SIGLEC11: variants seen among roughly 807,000 people sequenced by gnomAD.
SIGLEC11 encodes sialic acid-binding Ig-like lectin 11.
A neutral mutation model predicts 61.2 loss-of-function variants in SIGLEC11; 47 were observed. The observed-to-expected ratio is 0.77, with a 90% CI of 0.61 to 0.98. SIGLEC11 has a LOEUF of 0.98. Ranked by LOEUF, SIGLEC11 falls within the 50% of genes least tolerant of loss-of-function variation. SIGLEC11 has a pLI of 0.00. For synonymous variants in SIGLEC11, 278 were observed against 373.1 expected (o/e 0.75, Z 2.94); for missense variants, 610 against 870.3 (o/e 0.70, Z 3.76).
chr19:49,951,986 C>A lies in SIGLEC11; in HGVS notation c.1749-14G>T. ...CAGATCTTCACCCTGAGGGAGGAGGCAGTGCCCTTCAGCCTCCAGGCTGGT... is the reference window on the plus strand; with the variant it reads ...CAGATCTTCACCCTGAGGGAGGAGGAAGTGCCCTTCAGCCTCCAGGCTGGT... On this transcript the variant is annotated splice_polypyrimidine_tract_variant and intron_variant, in intron 9 of 10. Coordinates refer to ENST00000447370, the MANE Select transcript of SIGLEC11 (RefSeq NM_052884.3). The surrounding 1 kb of genome is among the most constrained non-coding windows in gnomAD (Gnocchi z 4.6). 2 of 1,601,414 alleles carry A rather than the reference C, an allele frequency of 1.2e-6. No homozygotes were observed. The highest frequency in any genetic ancestry group is 1.1e-5 in the South Asian group (1 of 89,102).
intron 8 of SIGLEC11, among the ~76,000 whole-genome samples, chr19:49,954,670 G>C (rs117971487): frequency 0.047 from 7,214 of 152,220 alleles, 236 homozygotes; most frequent in Middle Eastern, 0.082. Context: ...CCGTCTTTCT[G>C]ACACACAGTC....
chr19:49,959,054 T>A lies in SIGLEC11; in HGVS notation c.1081A>T (p.Met361Leu). ...CCTGTCCTGTTTGCTTGGGAAACCATCACTCTCAGGTTCTCTGGAGGATCT... is the reference window on the plus strand; with the variant it reads ...CCTGTCCTGTTTGCTTGGGAAACCAACACTCTCAGGTTCTCTGGAGGATCT... ...VQYPPENLRV[M>L]VSQANRTVLE... The change falls in exon 6 of 11, where the codon ATG becomes TTG. Residue 361 changes from methionine (M) to leucine (L), a missense_variant. By Grantham distance (15) the Met-to-Leu change is conservative (BLOSUM62 2). Coordinates refer to ENST00000447370, the MANE Select transcript of SIGLEC11 (RefSeq NM_052884.3). The A allele has an allele frequency of 2.5e-6, 4 of 1,613,834 alleles. No homozygotes were observed. The highest frequency in any genetic ancestry group is 1.7e-6 in the Non-Finnish European group (2 of 1,179,818).
intron 8 of SIGLEC11, among the ~76,000 whole-genome samples, chr19:49,956,369 C>T (rs1017877362): frequency 2.0e-5 from 3 of 152,226 alleles, no homozygotes; most frequent in South Asian, 2.1e-4. Flanking sequence ...CATCCAAATC[C>T]GTTCCCTGTT....
intron 8 of SIGLEC11, among the ~76,000 whole-genome samples, chr19:49,954,294 C>T (rs12165127): frequency 0.072 from 10,896 of 152,238 alleles, 501 homozygotes; most frequent in Admixed American, 0.15. Flanking sequence ...CCAGCCTACC[C>T]CCCTTTACTG....
In SIGLEC11 at chr19:49,958,675, G is replaced by A. The variant is rs201895287; in HGVS notation, c.1331C>T (p.Ser444Phe). 1.2e-6 allele frequency: 2 copies of A among 1,606,962 alleles called. No individual in the cohort carries two copies. The highest frequency in any genetic ancestry group is 1.1e-5 in the South Asian group (1 of 89,884). The change falls in exon 7 of 11, where the codon TCC (serine) becomes TTC (phenylalanine). Residue 444 changes from serine to phenylalanine, a missense_variant. Physicochemically the swap from Ser to Phe is radical, Grantham distance 155. Coordinates refer to ENST00000447370, the MANE Select transcript of SIGLEC11 (RefSeq NM_052884.3). ...GGAGAGGCTGAGAGAGACGTGCTGGGAGCCCAGAGGGTGCTGAGCGTGGCA... is the reference window on the plus strand; with the variant it reads ...GGAGAGGCTGAGAGAGACGTGCTGGAAGCCCAGAGGGTGCTGAGCGTGGCA... The part of the protein sequence containing the change: ...FTCHAQHPLG[S>F]QHVSLSLSVH...
chr19:49,958,869 G>A lies in SIGLEC11; in HGVS notation c.1137C>T (p.Leu379=), dbSNP rs761735827. 3.7e-6 allele frequency: 6 copies of A among 1,603,892 alleles called. No homozygotes were observed. The highest frequency in any genetic ancestry group is 3.4e-5 in the Admixed American group (2 of 58,670). The change falls in exon 7 of 11, where the codon CTC becomes CTT. Residue 379 remains leucine, a synonymous_variant. Coordinates refer to ENST00000447370, the MANE Select transcript of SIGLEC11 (RefSeq NM_052884.3). ...VLENLGNGTS[L]PVLEGQSLRL... The stretch of plus-strand genomic sequence containing the variant: ...GCAGGCTTTGGCCCTCCAGGACCGG[G>A]AGGGATGTGCCGTTCCCGAGGTTTT...
Position 49,958,424 on chromosome 19 carries a change from C to T in SIGLEC11, c.1510G>A (p.Glu504Lys), listed in dbSNP as rs759718197. Residue 504 changes from glutamate (E) to lysine (K), a missense_variant, in exon 8 of 11, where the codon GAG becomes AAG. Coordinates refer to ENST00000447370, the MANE Select transcript of SIGLEC11 (RefSeq NM_052884.3). ...LEGNSSQGSF[E>K]VTPSSAGPWA... is the part of the protein sequence containing the mutation. ...GGCCCGGCTGAGCTGGGGGTGACCT[C>T]GAAGGAGCCCTGACTGCTGTTCCCC... The T allele has an allele frequency of 1.3e-5, 21 of 1,613,858 alleles. No individual in the cohort carries two copies. Among genetic ancestry groups the T allele is most frequent in the African/African-American group, 9.3e-5 (7 of 74,924 alleles).
intron 8 of SIGLEC11, among the ~76,000 whole-genome samples, chr19:49,954,796 G>A (rs1310782237): frequency 6.6e-5 from 10 of 152,100 alleles, no homozygotes. Context: ...CAGATGCAGT[G>A]AATGCTCAGG....
At chr19:49,958,174 C>G in intron 8 of SIGLEC11, 109 bp downstream of exon 8, 1 of 1,501,086 alleles carries the variant, frequency 6.7e-7, no homozygotes, top group East Asian at 2.3e-5. Context: ...GACTTTGTCC[C>G]CATCCCTTCC....
At chr19:49,950,948 C>T (rs1174921707) in intron 10 of SIGLEC11, among the ~76,000 whole-genome samples, 1 of 152,174 alleles carries the variant, frequency 6.6e-6, no homozygotes, top group Non-Finnish European at 1.5e-5. Context: ...TCCCCTTGCC[C>T]AGAGAAAGCT....
Position 49,958,362 on chromosome 19 carries a change from G to A in SIGLEC11, c.1572C>T (p.Leu524=). Residue 524 remains leucine (L), a synonymous_variant, in exon 8 of 11, where the codon CTC becomes CTT. Coordinates refer to ENST00000447370, the MANE Select transcript of SIGLEC11 (RefSeq NM_052884.3). ...ANSSLSLHGG[L]SSGLRLRCKA... is the part of the protein sequence containing the mutation. ...TACAGCGGAGCCTGAGGCCGGAGCT[G>A]AGCCCTCCATGGAGGCTCAGGGAGC... 6.2e-7 allele frequency: 1 copy of A among 1,614,220 alleles called. No homozygotes were observed. The highest frequency in any genetic ancestry group is 1.1e-5 in the South Asian group (1 of 91,086).
rs2076245307 is a variant in SIGLEC11 at position 49,961,168 on chromosome 19, C to T, written c.-87G>A. ...GCAGTGACCATCCACAGAGGAGGAG[C>T]CTCGGGAACCGCTATGTCCTGAAAG... On this transcript the variant is annotated 5_prime_UTR_variant, in exon 1 of 11. Coordinates refer to ENST00000447370, the MANE Select transcript of SIGLEC11 (RefSeq NM_052884.3). 3.3e-6 allele frequency: 5 copies of T among 1,512,656 alleles called. No individual in the cohort carries two copies. The East Asian group carries it at 1.2e-4, about 37-fold the overall frequency. 93.7% of individuals were successfully genotyped at this position (1,512,656 alleles called of 1,614,324 possible). A position where few individuals can be genotyped will look rare whatever the true frequency, so the allele number is the denominator to read the frequency against.
At position 49,958,282 on chromosome 19, in the gene SIGLEC11, C is replaced by T. The variant is rs557060157; in HGVS notation, c.1651+1G>A. On this transcript the variant is annotated splice_donor_variant, in intron 8 of 10. Coordinates refer to ENST00000447370, the MANE Select transcript of SIGLEC11 (RefSeq NM_052884.3). LOFTEE classifies it high-confidence loss of function. ...ACCTCAGCCCCCCACAGTCCCCTCA[C>T]CTGGTAGCAGCTGGAAGACAGAGCC... 5.0e-6 allele frequency: 8 copies of T among 1,613,858 alleles called. No homozygotes were observed. In the South Asian group the frequency reaches 7.7e-5, roughly 16 times the overall value.
In SIGLEC11 at chr19:49,958,114, G is replaced by GCT. The variant is rs567178374; in HGVS notation, c.1651+167_1651+168dup. Reference sequence around the variant, plus strand: ...AAACAATCCTCCTGTTCTCCATATTGCTCTCTCCGTTCCTCAGTTTCCCGC... The same window carrying GCT: ...AAACAATCCTCCTGTTCTCCATATTGCTCTCTCTCCGTTCCTCAGTTTCCCGC... On this transcript the variant is annotated intron_variant, in intron 8 of 10. Coordinates refer to ENST00000447370, the MANE Select transcript of SIGLEC11 (RefSeq NM_052884.3). 8.5e-5 allele frequency among the ~76,000 whole-genome samples: 13 copies of GCT among 152,156 alleles called. No homozygotes were observed. In the South Asian group the frequency reaches 2.3e-3, roughly 27 times the overall value.
At chr19:49,950,311 A>G in intron 10 of SIGLEC11, 75 bp from the exon 11 acceptor site, 1 of 1,355,724 alleles carries the variant, frequency 7.4e-7, no homozygotes, top group Non-Finnish European at 9.6e-7. Flanking sequence ...GCACAAGAGG[A>G]TCTGGAAATT....
Position 49,949,904 on chromosome 19 carries a change from G to A in SIGLEC11, c.*66C>T. 7.5e-7 allele frequency: 1 copy of A among 1,340,474 alleles called. No homozygotes were observed. The highest frequency in any genetic ancestry group is 1.5e-5 in the African/African-American group (1 of 67,000). 83.0% of individuals were successfully genotyped at this position (1,340,474 alleles called of 1,614,324 possible). A position where few individuals can be genotyped will look rare whatever the true frequency, so the allele number is the denominator to read the frequency against. ...GGGATGGGGCTGAAATCTGAGTCCA[G>A]TTCTGGCCGTCACACCAGTGCGACT... On this transcript the variant is annotated 3_prime_UTR_variant, in exon 11 of 11. Coordinates refer to ENST00000447370, the MANE Select transcript of SIGLEC11 (RefSeq NM_052884.3).
At chr19:49,954,825 T>A (rs2076184814) in intron 8 of SIGLEC11, among the ~76,000 whole-genome samples, 1 of 152,034 alleles carries the variant, frequency 6.6e-6, no homozygotes, top group Admixed American at 6.6e-5. Context: ...CAAGGTCAGT[T>A]CTCATACCAA....
At position 49,951,842 on chromosome 19, in the gene SIGLEC11, A is replaced by G; in HGVS notation, c.1830+49T>C. 6.7e-7 allele frequency: 1 copy of G among 1,492,664 alleles called. No homozygotes were observed. Among genetic ancestry groups the G allele is most frequent in the African/African-American group, 1.4e-5 (1 of 71,262 alleles). 92.5% of individuals were successfully genotyped at this position (1,492,664 alleles called of 1,614,324 possible). ...CCAAGAGGACTACCCATGGCCATCAAGGAAAGGGGAACAGGCAGGGCCCCA... is the reference window on the plus strand; with the variant it reads ...CCAAGAGGACTACCCATGGCCATCAGGGAAAGGGGAACAGGCAGGGCCCCA... On this transcript the variant is annotated intron_variant, in intron 10 of 10. Coordinates refer to ENST00000447370, the MANE Select transcript of SIGLEC11 (RefSeq NM_052884.3). The surrounding 1 kb of genome is among the most constrained non-coding windows in gnomAD (Gnocchi z 4.6).
chr19:49,958,980 G>T (rs756770690), intron 6 of SIGLEC11, 50 bp downstream of exon 6: 6 of 1,613,314 alleles, frequency 3.7e-6, no homozygotes, highest in Non-Finnish European at 5.1e-6. Context: ...AGACTCCTGG[G>T]CCCCCAGTTT....
Sources: allele counts gnomAD v4.1 joint callset (sites outside exome capture counted in the v4.1 genomes callset), GRCh38; gene constraint gnomAD v4.1.1; non-coding constraint Gnocchi (gnomAD v3.1); transcripts MANE v1.5; gene names NCBI Gene and HGNC (gene_info 2026-07-23, HGNC 2026-07-21).